The following IBTK variants were observed in gnomAD, a reference collection of about 807,000 sequenced individuals.
IBTK encodes the protein BTK-binding protein.
Under a neutral mutation model 154.9 loss-of-function variants are expected in IBTK, and 83 were observed. The ratio of observed to expected loss-of-function variants is 0.54; its 90% CI spans 0.45 to 0.64. The LOEUF is 0.64. Among genes scored for constraint, IBTK ranks in the 30% least tolerant of loss-of-function variants. The pLI is 0.00. For synonymous variants in IBTK, 515 were observed against 536.1 expected (o/e 0.96, Z 0.54); for missense variants, 1,332 against 1,584.6 (o/e 0.84, Z 2.71).
At chr6:82,225,760 G>T in intron 5 of IBTK, 113 bp from the exon 6 acceptor site, 1 of 732,804 alleles carries the variant, frequency 1.4e-6, no homozygotes. Flanking sequence ...CTGATACATG[G>T]CTGTATCTAT....
chr6:82,202,068 C>G (rs1769230335), intron 18 of IBTK, among the ~76,000 whole-genome samples: 1 of 152,082 alleles, frequency 6.6e-6, no homozygotes, highest in Non-Finnish European at 1.5e-5. Context: ...ATCTTCTCTA[C>G]TTCATAAGAG....
At chr6:82,240,059 CA>C (rs1382695149) in intron 2 of IBTK, 106 bp downstream of exon 2, 2 of 866,368 alleles carry the variant, frequency 2.3e-6, no homozygotes, top group Non-Finnish European at 3.5e-6. Flanking sequence ...AGCAAACAAG[CA>C]AGAAAAAATG....
intron 13 of IBTK, 107 bp downstream of exon 13, chr6:82,212,600 G>A (rs143695975): frequency 2.8e-6 from 2 of 717,334 alleles, no homozygotes; most frequent in African/African-American, 1.8e-5. Flanking sequence ...AGGTAAGAGG[G>A]TATCTACCTA....
Position 82,247,726 on chromosome 6 carries a change from AGGAATCGGGAACG to A in IBTK, c.-535_-523del. The A allele has an allele frequency of 2.5e-6, 1 of 398,050 alleles. No individual in the cohort carries two copies. The highest frequency in any genetic ancestry group is 4.4e-6 in the Non-Finnish European group (1 of 225,854). 24.7% of individuals were successfully genotyped at this position (398,050 alleles called of 1,614,324 possible). ...GCGGCTGCAATACAGCCGCTACTACAGGAATCGGGAACGGGGATGTAGAGGAAGGGCCCGAGCG... is the reference window on the plus strand; with the variant it reads ...GCGGCTGCAATACAGCCGCTACTACAGGGATGTAGAGGAAGGGCCCGAGCG... On this transcript the variant is annotated 5_prime_UTR_variant, in exon 1 of 29. Transcript: ENST00000306270.
chr6:82,246,441 C>CTCTTTTTTTT (rs780889890), intron 1 of IBTK, among the ~76,000 whole-genome samples: 3,900 of 111,134 alleles, frequency 0.035, 309 homozygotes, highest in East Asian at 0.079. Context: ...TTACAGGCAT[C>CTCTTTTTTTT]TTTTTTTTTT....
At chr6:82,204,827 A>C in intron 17 of IBTK, 30 bp downstream of exon 17, 1 of 1,285,478 alleles carries the variant, frequency 7.8e-7, no homozygotes, top group East Asian at 2.4e-5. Flanking sequence ...ACCTGAAAAC[A>C]TATTAATATT....
intron 26 of IBTK, among the ~76,000 whole-genome samples, chr6:82,181,649 G>C (rs1168746278): frequency 6.9e-6 from 1 of 144,500 alleles, no homozygotes; most frequent in Non-Finnish European, 1.5e-5. Context: ...TGAAACTACA[G>C]AATGTATACT....
intron 3 of IBTK, among the ~76,000 whole-genome samples, chr6:82,232,154 C>T (rs370044043): frequency 2.3e-4 from 35 of 152,088 alleles, no homozygotes; most frequent in African/African-American, 7.7e-4. Context: ...CTCGGCCCCC[C>T]AAAGTGCTAG....
intron 13 of IBTK, 145 bp from the exon 14 acceptor site, chr6:82,211,717 C>T (rs142369100): frequency 8.3e-5 from 53 of 640,910 alleles, no homozygotes; most frequent in African/African-American, 7.9e-4. Context: ...TAAAATACTT[C>T]ATCTTTTTCC....
Position 82,181,983 on chromosome 6 carries a change from G to GA in IBTK, c.3620dup (p.Leu1209ThrfsTer9). 6.2e-7 allele frequency: 1 copy of GA among 1,605,586 alleles called. No individual in the cohort carries two copies. Among genetic ancestry groups the GA allele is most frequent in the Non-Finnish European group, 8.5e-7 (1 of 1,178,212 alleles). Reference sequence around the variant, plus strand: ...TAACAGACTTTTTTTCTTCTAGTAAGAAATCCCGGAATGACTTGGATGAAA... The same window carrying GA: ...TAACAGACTTTTTTTCTTCTAGTAAGAAAATCCCGGAATGACTTGGATGAAA... On this transcript the variant is annotated frameshift_variant, in exon 26 of 29. Coordinates refer to ENST00000306270, the MANE Select transcript of IBTK (RefSeq NM_015525.4). LOFTEE classifies it high-confidence loss of function.
chr6:82,212,600 G>T (rs143695975), intron 13 of IBTK, 107 bp downstream of exon 13: 1 of 717,336 alleles, frequency 1.4e-6, no homozygotes, highest in Non-Finnish European at 2.5e-6. Context: ...AGGTAAGAGG[G>T]TATCTACCTA....
At chr6:82,246,623 ACT>A (rs949775897) in intron 1 of IBTK, among the ~76,000 whole-genome samples, 2 of 151,680 alleles carry the variant, frequency 1.3e-5, no homozygotes, top group Non-Finnish European at 2.9e-5. Flanking sequence ...CTTGAAGTAA[ACT>A]CTGGTTTGAC....
intron 8 of IBTK, among the ~76,000 whole-genome samples, chr6:82,222,275 T>C (rs1337680656): frequency 2.6e-5 from 4 of 152,192 alleles, no homozygotes; most frequent in Non-Finnish European, 5.9e-5. Flanking sequence ...CTGTTTTACA[T>C]TATCAAAAGC....
chr6:82,200,146 G>A lies in IBTK; in HGVS notation c.3020C>T (p.Ser1007Phe), dbSNP rs1769147632. The A allele has an allele frequency of 4.4e-6, 7 of 1,587,978 alleles. No homozygotes were observed. The highest frequency in any genetic ancestry group is 6.0e-6 in the Non-Finnish European group (7 of 1,159,332). Reference sequence around the variant, plus strand: ...CATGCTCACTTTCCACGAACCTGTAGATGATGGACTCTGAATAATATCTGA... The same window carrying A: ...CATGCTCACTTTCCACGAACCTGTAAATGATGGACTCTGAATAATATCTGA... ...NLSDIIQSPS[S>F]TGLLKSGKTN... Residue 1007 changes from serine (S) to phenylalanine (F), a missense_variant, in exon 21 of 29, where the codon TCT (serine) becomes TTT (phenylalanine). Physicochemically the swap from Ser to Phe is radical, Grantham distance 155 (BLOSUM62 -2). Transcript: ENST00000306270.
At position 82,214,259 on chromosome 6, in the gene IBTK, T is replaced by C. The variant is rs1769774822; in HGVS notation, c.2172A>G (p.Ala724=). The C allele has an allele frequency of 6.2e-7, 1 of 1,610,836 alleles. No individual in the cohort carries two copies. The highest frequency in any genetic ancestry group is 8.5e-7 in the Non-Finnish European group (1 of 1,179,134). The change falls in exon 12 of 29, where the codon GCA becomes GCG. Residue 724 remains alanine (A), a synonymous_variant. Coordinates refer to ENST00000306270, the MANE Select transcript of IBTK (RefSeq NM_015525.4). ...TCAAATTACTGAAGTCGAATTTCTT[T>C]GCAACAGTTTGCAACATTCTTACAG... ...DDPVRMLQTV[A]KKFDFSNLSS... is the part of the protein sequence containing the mutation.
chr6:82,209,456 A>C (rs948633268), intron 16 of IBTK, among the ~76,000 whole-genome samples: 1 of 152,254 alleles, frequency 6.6e-6, no homozygotes, highest in Non-Finnish European at 1.5e-5. Context: ...AAAATAAGTT[A>C]AATATAAAAG....
At chr6:82,231,321 AAAG>A (rs1241413823) in intron 4 of IBTK, among the ~76,000 whole-genome samples, 1 of 152,110 alleles carries the variant, frequency 6.6e-6, no homozygotes, top group African/African-American at 2.4e-5. Context: ...ACCAAAAAAA[AAAG>A]AACTGTTGTT....
At chr6:82,180,187 T>C (rs1035209124) in intron 26 of IBTK, among the ~76,000 whole-genome samples, 1 of 152,198 alleles carries the variant, frequency 6.6e-6, no homozygotes, top group Non-Finnish European at 1.5e-5. Flanking sequence ...AATTTATAAA[T>C]ATGCAAAAAG....
chr6:82,231,909 C>A, intron 3 of IBTK, 67 bp from the exon 4 acceptor site: 3 of 865,452 alleles, frequency 3.5e-6, no homozygotes, highest in South Asian at 2.0e-5. Flanking sequence ...AATTTAACTA[C>A]AATATTTAGA....
Sources: gnomAD v4.1 joint callset for allele counts (sites outside exome capture counted in the v4.1 genomes callset) on GRCh38, gnomAD v4.1.1 for gene constraint, MANE v1.5 for transcripts, NCBI Gene and HGNC (gene_info 2026-07-23, HGNC 2026-07-21) for gene names.